TMEM178A: variants seen among roughly 807,000 people sequenced by gnomAD.
TMEM178A encodes the protein transmembrane protein 178.
A neutral mutation model predicts 29.1 loss-of-function variants in TMEM178A; 12 were observed. The ratio of observed to expected loss-of-function variants is 0.41; its 90% CI spans 0.26 to 0.67. TMEM178A has a LOEUF of 0.67. TMEM178A is among the 30% of genes least tolerant of loss of function. TMEM178A has a pLI of 0.29. For synonymous variants in TMEM178A, 210 were observed against 187.2 expected, an observed-to-expected ratio of 1.12 and a Z score of -0.99; for missense variants, 366 against 419.1, an observed-to-expected ratio of 0.87 and a Z score of 1.11.
At chr2:39,687,781 A>G (rs1398307413) in intron 1 of TMEM178A, among the ~76,000 whole-genome samples, 1 of 152,260 alleles carries the variant, frequency 6.6e-6, no homozygotes, top group Admixed American at 6.5e-5. Flanking sequence ...GTGTCAACAC[A>G]GGCCTGCCTG....
rs141643616 is a variant in TMEM178A, at chr2:39,702,646, C to T, written c.401-1435C>T. 3.7e-3 allele frequency among the ~76,000 whole-genome samples: 557 copies of T among 151,236 alleles called. 7 individuals are homozygous for T. Among genetic ancestry groups the T allele is most frequent in the African/African-American group, 0.013 (526 of 41,126 alleles). Reference sequence around the variant, plus strand: ...AATGCCTTAGACCTCACAACCACTGCCATGGGGCTCATGTTGAAAAAACAA... The same window carrying T: ...AATGCCTTAGACCTCACAACCACTGTCATGGGGCTCATGTTGAAAAAACAA... On this transcript the variant is annotated intron_variant, in intron 1 of 3. Coordinates refer to ENST00000281961, the MANE Select transcript of TMEM178A (RefSeq NM_152390.3).
In TMEM178A at chr2:39,675,534, G is replaced by A. The variant is rs532119050; in HGVS notation, c.400+9160G>A. ...TAACCACCGATACAGATGATTCTGC[G>A]GTATTATTTTGATGATGCCACAGGG... On this transcript the variant is annotated intron_variant, in intron 1 of 3. Coordinates refer to ENST00000281961, the MANE Select transcript of TMEM178A (RefSeq NM_152390.3). Among the ~76,000 whole-genome samples, 14 of 152,132 alleles carry A rather than the reference G, an allele frequency of 9.2e-5. No homozygotes were observed. The East Asian group carries it at 1.2e-3, about 13-fold the overall frequency.
the TMEM178A span, among the ~76,000 whole-genome samples, chr2:39,734,733 G>C: frequency 6.6e-6 from 1 of 152,174 alleles, no homozygotes; most frequent in Non-Finnish European, 1.5e-5. Flanking sequence ...CAGAATTTCT[G>C]ATATTTCTCA....
intron 1 of TMEM178A, among the ~76,000 whole-genome samples, chr2:39,666,972 T>G (rs184426147): frequency 7.0e-4 from 106 of 152,330 alleles, no homozygotes; most frequent in Non-Finnish European, 7.6e-4. Context: ...GGAACCTTCC[T>G]TCATACCCCT....
chr2:39,727,861 C>T, the TMEM178A span, among the ~76,000 whole-genome samples: 1 of 152,108 alleles, frequency 6.6e-6, no homozygotes, highest in African/African-American at 2.4e-5. Flanking sequence ...TGGTTTCCAG[C>T]TTCATCCATG....
In TMEM178A at chr2:39,665,929, G is replaced by T; in HGVS notation, c.-46G>T. On this transcript the variant is annotated 5_prime_UTR_variant, in exon 1 of 4. Transcript: ENST00000281961. ...GCTGGGGCCAAGTGCATTGTGTCTG[G>T]CGGCGGCGCGCGAGCCCACCGGCGG... is the stretch of plus-strand genomic sequence containing the variant. The T allele has an allele frequency of 7.4e-7, 1 of 1,342,784 alleles. No individual in the cohort carries two copies. The allele number at this position is 1,342,784 out of a possible 1,614,324, so 83.2% of individuals were successfully genotyped here.
the TMEM178A span, among the ~76,000 whole-genome samples, chr2:39,733,453 A>G: frequency 6.6e-6 from 1 of 152,198 alleles, no homozygotes; most frequent in Non-Finnish European, 1.5e-5. Flanking sequence ...GACGTCCATC[A>G]TCACAGGCTT....
intron 1 of TMEM178A, among the ~76,000 whole-genome samples, chr2:39,681,852 T>C (rs1244480295): frequency 6.6e-6 from 1 of 152,222 alleles, no homozygotes; most frequent in Non-Finnish European, 1.5e-5. Flanking sequence ...TAAGTGTATA[T>C]GATCAGGAGA....
intron 2 of TMEM178A, 110 bp downstream of exon 2, chr2:39,704,304 C>G: frequency 1.2e-6 from 1 of 847,774 alleles, no homozygotes; most frequent in Non-Finnish European, 1.9e-6. Context: ...CCTCTGTGAG[C>G]CTCTGGGCCC....
chr2:39,685,950 G>A (rs1671059099), intron 1 of TMEM178A, among the ~76,000 whole-genome samples: 1 of 152,210 alleles, frequency 6.6e-6, no homozygotes, highest in African/African-American at 2.4e-5. Flanking sequence ...GGCTTACTGT[G>A]GGTCTGAAAC....
At chr2:39,733,461 C>CTTT in the TMEM178A span, among the ~76,000 whole-genome samples, 1 of 152,144 alleles carries the variant, frequency 6.6e-6, no homozygotes, top group African/African-American at 2.4e-5. Flanking sequence ...TCATCACAGG[C>CTTT]TTTTTCTGGT....
intron 1 of TMEM178A, among the ~76,000 whole-genome samples, chr2:39,691,628 C>A (rs182413167): frequency 8.5e-4 from 130 of 152,238 alleles, no homozygotes; most frequent in Non-Finnish European, 1.6e-3. Flanking sequence ...GGCAATCCCA[C>A]TTCTGGGTAT....
chr2:39,704,498 A>T (rs991519058), intron 2 of TMEM178A, among the ~76,000 whole-genome samples: 2 of 152,068 alleles, frequency 1.3e-5, no homozygotes, highest in African/African-American at 4.8e-5. Context: ...GACCTGCTGT[A>T]CCCCTTGTCT....
chr2:39,718,109 T>C (rs747953047), downstream of TMEM178A: 7 of 152,442 alleles, frequency 4.6e-5, no homozygotes, highest in Non-Finnish European at 1.0e-4. Flanking sequence ...TATTATCTTT[T>C]GTAGCAACCA....
At chr2:39,722,927 A>G (rs993614082), downstream of TMEM178A, among the ~76,000 whole-genome samples, 3 of 152,038 alleles carry the variant, frequency 2.0e-5, no homozygotes, top group Non-Finnish European at 4.4e-5. Flanking sequence ...CTTAGAGGTA[A>G]ATTCCCTCAA....
At chr2:39,691,948 T>A (rs1230473890) in intron 1 of TMEM178A, among the ~76,000 whole-genome samples, 2 of 151,834 alleles carry the variant, frequency 1.3e-5, no homozygotes, top group Non-Finnish European at 2.9e-5. Flanking sequence ...TAGATATACA[T>A]ATATATGTAT....
chr2:39,716,494 G>A (rs1672542003), intron 3 of TMEM178A, among the ~76,000 whole-genome samples: 1 of 152,082 alleles, frequency 6.6e-6, no homozygotes, highest in Non-Finnish European at 1.5e-5. Flanking sequence ...TTAGCTACTT[G>A]TATGACTTCA....
downstream of TMEM178A, among the ~76,000 whole-genome samples, chr2:39,718,167 C>A (rs1051519584): frequency 6.8e-6 from 1 of 146,916 alleles, no homozygotes; most frequent in Non-Finnish European, 1.5e-5. Flanking sequence ...TGTTTTTAAA[C>A]CTTCCTATAC....
rs535246905 is a variant in TMEM178A at position 39,695,170 on chromosome 2, C to T, written c.401-8911C>T. On this transcript the variant is annotated intron_variant, in intron 1 of 3. Coordinates refer to ENST00000281961, the MANE Select transcript of TMEM178A (RefSeq NM_152390.3). ...ATTGATTTTTCTTTTCAAACTGAGA[C>T]GTGTGCTGGGGAAATAATTCTTTAT... Among the ~76,000 whole-genome samples the T allele has an allele frequency of 8.4e-4, 128 of 152,240 alleles. 4 individuals carry two copies. The highest frequency in any genetic ancestry group is 5.1e-4 in the Non-Finnish European group (35 of 68,008).
Sources: gnomAD v4.1 joint callset for allele counts (sites outside exome capture counted in the v4.1 genomes callset) on GRCh38, gnomAD v4.1.1 for gene constraint, MANE v1.5 for transcripts, NCBI Gene and HGNC (gene_info 2026-07-23, HGNC 2026-07-21) for gene names.